The following FSTL5 variants were observed in gnomAD, a reference collection of about 807,000 sequenced individuals.
FSTL5 encodes follistatin like 5, also known as follistatin-related protein 5.
In FSTL5, 62 loss-of-function variants were observed where a neutral mutation model predicts 89.1. The ratio of observed to expected loss-of-function variants is 0.70; its 90% CI spans 0.57 to 0.86. The LOEUF is 0.86. Ranked by LOEUF, FSTL5 falls within the 40% of genes least tolerant of loss-of-function variation. FSTL5 has a pLI of 0.00. For synonymous variants in FSTL5, 383 were observed against 346.2 expected, an observed-to-expected ratio of 1.11 and a Z score of -1.18; for missense variants, 1,057 against 1,001.6, an observed-to-expected ratio of 1.06 and a Z score of -0.75.
chr4:161,954,617 A>G (rs1323014913), intron 3 of FSTL5, among the ~76,000 whole-genome samples: 1 of 151,500 alleles, frequency 6.6e-6, no homozygotes, highest in African/African-American at 2.4e-5. Flanking sequence ...TCCATCTATC[A>G]CCTATCTGTC....
chr4:161,811,197 A>G (rs1391965796), intron 4 of FSTL5, among the ~76,000 whole-genome samples: 1 of 152,178 alleles, frequency 6.6e-6, no homozygotes, highest in African/African-American at 2.4e-5. Context: ...AGCAAAAAAC[A>G]AAACAAAACA....
chr4:161,858,916 A>G (rs1731812235), intron 4 of FSTL5, among the ~76,000 whole-genome samples: 2 of 152,018 alleles, frequency 1.3e-5, no homozygotes, highest in Non-Finnish European at 2.9e-5. Flanking sequence ...GAATAGTCCA[A>G]TATTGCTGGG....
intron 6 of FSTL5, among the ~76,000 whole-genome samples, chr4:161,660,923 T>A (rs1162858103): frequency 6.6e-6 from 1 of 152,156 alleles, no homozygotes; most frequent in Non-Finnish European, 1.5e-5. Flanking sequence ...TGAATAGTGC[T>A]GCAATGAACT....
chr4:161,629,781 T>C (rs1735441505), intron 7 of FSTL5, among the ~76,000 whole-genome samples: 1 of 152,230 alleles, frequency 6.6e-6, no homozygotes, highest in Admixed American at 6.5e-5. Flanking sequence ...ATTGGGCTCC[T>C]GGTCAAATAC....
At chr4:161,895,926 C>T (rs968450882) in intron 4 of FSTL5, among the ~76,000 whole-genome samples, 1 of 152,036 alleles carries the variant, frequency 6.6e-6, no homozygotes, top group Non-Finnish European at 1.5e-5. Context: ...ATATCTACTG[C>T]TTTACTTCTA....
intron 6 of FSTL5, among the ~76,000 whole-genome samples, chr4:161,744,332 G>C (rs768164833): frequency 6.6e-6 from 1 of 152,048 alleles, no homozygotes; most frequent in Non-Finnish European, 1.5e-5. Flanking sequence ...AGGGCCCAGT[G>C]AACTGGTAAA....
intron 7 of FSTL5, among the ~76,000 whole-genome samples, chr4:161,631,386 G>T (rs1176923100): frequency 6.6e-6 from 1 of 152,156 alleles, no homozygotes; most frequent in African/African-American, 2.4e-5. Context: ...GGGAGGCCAA[G>T]GCAGATGGAT....
intron 4 of FSTL5, among the ~76,000 whole-genome samples, chr4:161,786,290 C>G (rs1336146200): frequency 6.6e-6 from 1 of 152,018 alleles, no homozygotes; most frequent in East Asian, 1.9e-4. Context: ...CAATTCATAG[C>G]ATGTTACACT....
At chr4:161,780,297 C>G (rs1741618156) in intron 4 of FSTL5, among the ~76,000 whole-genome samples, 1 of 151,832 alleles carries the variant, frequency 6.6e-6, no homozygotes, top group Non-Finnish European at 1.5e-5. Flanking sequence ...GCCCCCTCCC[C>G]AAGTCCAAAA....
At chr4:161,814,039 G>A (rs574000172) in intron 4 of FSTL5, among the ~76,000 whole-genome samples, 1 of 151,884 alleles carries the variant, frequency 6.6e-6, no homozygotes, top group Admixed American at 6.6e-5. Flanking sequence ...AAGAAGAGAG[G>A]AAAAGAGAAA....
At chr4:161,948,981 C>A (rs895169494) in intron 3 of FSTL5, among the ~76,000 whole-genome samples, 4 of 152,102 alleles carry the variant, frequency 2.6e-5, no homozygotes, top group African/African-American at 7.2e-5. Context: ...CACATTTACT[C>A]TCCTACAGCT....
rs545143731 is a variant in FSTL5, at chr4:161,894,069, T to C, written c.409+26335A>G. 8.5e-5 allele frequency among the ~76,000 whole-genome samples: 13 copies of C among 152,354 alleles called. No individual in the cohort carries two copies. The East Asian group carries it at 2.3e-3, about 27-fold the overall frequency. ...AAATGATCAAAGTTGGGGGCTGGTATACAGTTCTCATTTTAGAATTTTAAA... is the reference window on the plus strand; with the variant it reads ...AAATGATCAAAGTTGGGGGCTGGTACACAGTTCTCATTTTAGAATTTTAAA... On this transcript the variant is annotated intron_variant, in intron 4 of 15. Transcript: ENST00000306100.
intron 2 of FSTL5, among the ~76,000 whole-genome samples, chr4:162,056,369 A>G (rs1738541712): frequency 6.6e-6 from 1 of 152,030 alleles, no homozygotes; most frequent in Non-Finnish European, 1.5e-5. Flanking sequence ...ATTTGTAAGC[A>G]CTAACTATAT....
At chr4:161,850,930 T>C (rs1425923907) in intron 4 of FSTL5, among the ~76,000 whole-genome samples, 1 of 152,122 alleles carries the variant, frequency 6.6e-6, no homozygotes, top group East Asian at 1.9e-4. Context: ...TCTGGAAGAA[T>C]AGCCAATGGG....
intron 2 of FSTL5, among the ~76,000 whole-genome samples, chr4:162,076,146 C>T (rs1265677643): frequency 6.6e-6 from 1 of 151,828 alleles, no homozygotes; most frequent in Non-Finnish European, 1.5e-5. Flanking sequence ...CTTACAAAAT[C>T]TTTGAGGTGG....
chr4:161,591,524 A>C (rs1161704208), intron 7 of FSTL5, among the ~76,000 whole-genome samples: 1 of 146,786 alleles, frequency 6.8e-6, no homozygotes, highest in Non-Finnish European at 1.5e-5. Flanking sequence ...CTTAAATCCA[A>C]AAAAATAAAT....
chr4:161,805,810 T>C (rs552071107), intron 4 of FSTL5, among the ~76,000 whole-genome samples: 1 of 152,240 alleles, frequency 6.6e-6, no homozygotes, highest in Non-Finnish European at 1.5e-5. Context: ...TATACAATTA[T>C]GACTGTAGTC....
At chr4:162,089,570 T>G (rs1281206836) in intron 2 of FSTL5, among the ~76,000 whole-genome samples, 1 of 140,608 alleles carries the variant, frequency 7.1e-6, no homozygotes, top group East Asian at 2.0e-4. Flanking sequence ...GAGGCGGAGG[T>G]TGCAGTGAGC....
chr4:162,130,907 A>T (rs1438107440), intron 1 of FSTL5, among the ~76,000 whole-genome samples: 1 of 152,150 alleles, frequency 6.6e-6, no homozygotes, highest in Non-Finnish European at 1.5e-5. Context: ...TAATATAGAT[A>T]TTAAATATGG....
Sources: gnomAD v4.1 joint callset for allele counts (sites outside exome capture counted in the v4.1 genomes callset) on GRCh38, gnomAD v4.1.1 for gene constraint, MANE v1.5 for transcripts, NCBI Gene and HGNC (gene_info 2026-07-23, HGNC 2026-07-21) for gene names.